ANK3: variants seen among roughly 807,000 people sequenced by gnomAD.
ANK3 encodes ankyrin-3.
A neutral mutation model predicts 370.9 loss-of-function variants in ANK3; 57 were observed. The observed-to-expected ratio is 0.15, with a 90% CI of 0.12 to 0.19. The LOEUF (loss-of-function observed/expected upper bound fraction) is 0.19, where lower values mean the gene tolerates loss of function less well. ANK3 is among the 10% of genes least tolerant of loss of function. The pLI is 1.00. For synonymous variants in ANK3, 1,929 were observed against 1,946.3 expected (o/e 0.99, Z 0.23); for missense variants, 4,439 against 5,302.1 (o/e 0.84, Z 5.06).
At chr10:60,131,472 T>A (rs1199404588) in intron 25 of ANK3, among the ~76,000 whole-genome samples, 1 of 152,234 alleles carries the variant, frequency 6.6e-6, no homozygotes, top group Non-Finnish European at 1.5e-5. Flanking sequence ...TTTCCTCTGA[T>A]GGGTCTATAG....
At chr10:60,459,126 C>T (rs558790182) in intron 2 of ANK3, among the ~76,000 whole-genome samples, 49 of 152,180 alleles carry the variant, frequency 3.2e-4, no homozygotes, top group African/African-American at 1.1e-3. Context: ...AATCGGCTTA[C>T]GAGGAACAAA....
intron 7 of ANK3, among the ~76,000 whole-genome samples, chr10:60,244,845 A>G (rs191758138): frequency 7.2e-5 from 11 of 152,350 alleles, no homozygotes; most frequent in Non-Finnish European, 7.3e-5. Context: ...AAGGTAATCA[A>G]TAAATGTTTG....
chr10:60,628,504 T>C (rs1486585813), intron 1 of ANK3, among the ~76,000 whole-genome samples: 1 of 152,204 alleles, frequency 6.6e-6, no homozygotes, highest in Non-Finnish European at 1.5e-5. Context: ...TATGACCCTA[T>C]GATTCTGTGC....
chr10:60,194,343 A>G (rs1385763221), intron 16 of ANK3, among the ~76,000 whole-genome samples: 1 of 152,182 alleles, frequency 6.6e-6, no homozygotes, highest in African/African-American at 2.4e-5. Flanking sequence ...AACCATCACT[A>G]TTATCCATCT....
At chr10:60,155,514 T>C (rs925782434) in intron 23 of ANK3, among the ~76,000 whole-genome samples, 11 of 152,170 alleles carry the variant, frequency 7.2e-5, no homozygotes, top group African/African-American at 2.4e-5. Flanking sequence ...AGGAGTGCAG[T>C]CCTTGGACAA....
intron 1 of ANK3, among the ~76,000 whole-genome samples, chr10:60,673,045 TAAA>T (rs11329845): frequency 2.7e-5 from 4 of 147,030 alleles, no homozygotes; most frequent in Non-Finnish European, 3.0e-5. Context: ...TAAAATTTGG[TAAA>T]AAAAAAAAAA....
intron 2 of ANK3, among the ~76,000 whole-genome samples, chr10:60,496,552 CT>C (rs796462894): frequency 0.02 from 3,001 of 146,844 alleles, 107 homozygotes; most frequent in African/African-American, 0.07. Context: ...TTAATCTGCT[CT>C]TTTTTTTTTT....
rs934182830 is a variant in ANK3, at chr10:60,072,871, G to T, written c.8010C>A (p.Pro2670=). 1.9e-6 allele frequency: 3 copies of T among 1,614,066 alleles called. No homozygotes were observed. Among genetic ancestry groups the T allele is most frequent in the Admixed American group, 1.7e-5 (1 of 59,980 alleles). The change falls in exon 37 of 44, where the codon CCC becomes CCA. Residue 2670 remains proline (P), a synonymous_variant. Transcript: ENST00000280772. ...AGAGAACCATCTTCTCTGGGCTGCT[G>T]GGCAGACTGGGTGCCTTCTCCTCGG... ...PKAEEKAPSL[P]SSPEKMVLSQ...
intron 2 of ANK3, among the ~76,000 whole-genome samples, chr10:60,614,988 T>C (rs1214745614): frequency 6.6e-6 from 1 of 152,130 alleles, no homozygotes; most frequent in African/African-American, 2.4e-5. Flanking sequence ...GGTGACCAGG[T>C]TGCTCCACTA....
chr10:60,488,078 C>T lies in ANK3; in HGVS notation c.96+127108G>A, dbSNP rs74155615. On this transcript the variant is annotated intron_variant, in intron 2 of 43. Transcript: ENST00000373827. ...ATAGAAGTCAGGTTGAGTGCTTTTT[C>T]TACTATACCAAAATAAAGTAAGATA... Among the ~76,000 whole-genome samples the T allele has an allele frequency of 5.7e-3, 868 of 152,108 alleles. 8 individuals are homozygous for T. The highest frequency in any genetic ancestry group is 0.02 in the African/African-American group (826 of 41,474).
At chr10:60,489,818 A>G (rs2133117724) in intron 2 of ANK3, among the ~76,000 whole-genome samples, 1 of 152,372 alleles carries the variant, frequency 6.6e-6, no homozygotes, top group Non-Finnish European at 1.5e-5. Context: ...ATTAATGAAC[A>G]TCCTAAGAAC....
At chr10:60,109,701 A>T (rs1291187885) in intron 26 of ANK3, among the ~76,000 whole-genome samples, 2 of 152,216 alleles carry the variant, frequency 1.3e-5, no homozygotes, top group Non-Finnish European at 2.9e-5. Flanking sequence ...TACAATGATT[A>T]AAAAAGTGGA....
At position 60,344,389 on chromosome 10, in the gene ANK3, C is replaced by T. The variant is rs549475883; in HGVS notation, c.114+45036G>A. 2.6e-5 allele frequency among the ~76,000 whole-genome samples: 4 copies of T among 152,298 alleles called. No homozygotes were observed. The South Asian group carries it at 8.3e-4, about 32-fold the overall frequency. ...GAAGAATAAAACAATAATATAGTTA[C>T]TAATCCAGATTATCCCGATGCCAAA... On this transcript the variant is annotated intron_variant, in intron 1 of 43. Coordinates refer to ENST00000280772, the MANE Select transcript of ANK3 (RefSeq NM_020987.5).
chr10:60,321,082 A>C (rs945917405), intron 1 of ANK3, among the ~76,000 whole-genome samples: 1 of 152,162 alleles, frequency 6.6e-6, no homozygotes, highest in East Asian at 1.9e-4. Context: ...TACAAACATA[A>C]TAATGATGTT....
chr10:60,373,128 T>C (rs1364829876), intron 1 of ANK3, among the ~76,000 whole-genome samples: 1 of 152,244 alleles, frequency 6.6e-6, no homozygotes, highest in African/African-American at 2.4e-5. Flanking sequence ...CATCATTTTC[T>C]AATAAAACAA....
chr10:60,174,930 G>C (rs1171819546), intron 18 of ANK3, among the ~76,000 whole-genome samples: 1 of 152,076 alleles, frequency 6.6e-6, no homozygotes, highest in East Asian at 1.9e-4. Context: ...ATGTTGCCTA[G>C]GCTGGTCTCA....
At chr10:60,079,174 TACACACACACACAC>T (rs58239281) in intron 36 of ANK3, among the ~76,000 whole-genome samples, 8,025 of 113,808 alleles carry the variant, frequency 0.071, 297 homozygotes, top group South Asian at 0.16. Flanking sequence ...GCTACCTAGC[TACACACACACACAC>T]ACACACACAC....
At chr10:60,163,235 C>T (rs190861502) in intron 23 of ANK3, among the ~76,000 whole-genome samples, 35 of 152,136 alleles carry the variant, frequency 2.3e-4, no homozygotes, top group African/African-American at 7.5e-4. Context: ...TAGTTTTGTA[C>T]GTATATTAAA....
intron 2 of ANK3, among the ~76,000 whole-genome samples, chr10:60,491,973 G>A (rs139123085): frequency 1.5e-4 from 23 of 149,490 alleles, no homozygotes; most frequent in Non-Finnish European, 2.4e-4. Context: ...TGATGTCTCA[G>A]TAAATGACAA....
Sources: gnomAD v4.1 joint callset for allele counts (sites outside exome capture counted in the v4.1 genomes callset) on GRCh38, gnomAD v4.1.1 for gene constraint, MANE v1.5 for transcripts, NCBI Gene and HGNC (gene_info 2026-07-23, HGNC 2026-07-21) for gene names.